NELL2: variants seen among roughly 807,000 people sequenced by gnomAD.
NELL2 encodes neural EGFL like 2, also known as protein kinase C-binding protein NELL2.
Under a neutral mutation model 109.6 loss-of-function variants are expected in NELL2, and 41 were observed. The observed-to-expected ratio is 0.37, with a 90% CI of 0.29 to 0.49. NELL2 has a LOEUF of 0.49. NELL2 is among the 20% of genes least tolerant of loss of function. The pLI is 0.98. For synonymous variants in NELL2, 355 were observed against 344.7 expected (o/e 1.03, Z -0.33); for missense variants, 900 against 1,008.3 (o/e 0.89, Z 1.45).
At chr12:44,677,996 T>G (rs1200664202) in intron 12 of NELL2, among the ~76,000 whole-genome samples, 3 of 152,040 alleles carry the variant, frequency 2.0e-5, no homozygotes, top group Admixed American at 1.3e-4. Flanking sequence ...GATCAAGATT[T>G]GAGAGTCATA....
chr12:44,656,796 A>G (rs943367949), intron 13 of NELL2, among the ~76,000 whole-genome samples: 1 of 152,146 alleles, frequency 6.6e-6, no homozygotes, highest in Non-Finnish European at 1.5e-5. Flanking sequence ...ACGATAAATT[A>G]TCTGTTTTGT....
At chr12:44,517,422 G>A (rs868052565) in intron 19 of NELL2, among the ~76,000 whole-genome samples, 26 of 71,184 alleles carry the variant, frequency 3.7e-4, no homozygotes, top group East Asian at 9.7e-4. Flanking sequence ...TCTCTCTCTC[G>A]TTCCCACTCT....
At chr12:44,828,974 A>T (rs1254360258) in intron 2 of NELL2, among the ~76,000 whole-genome samples, 1 of 152,122 alleles carries the variant, frequency 6.6e-6, no homozygotes, top group Non-Finnish European at 1.5e-5. Context: ...TTAAAATTAA[A>T]ATTGGCACTT....
intron 9 of NELL2, among the ~76,000 whole-genome samples, chr12:44,747,409 C>T (rs1195915136): frequency 1.3e-5 from 2 of 151,812 alleles, no homozygotes; most frequent in Non-Finnish European, 2.9e-5. Context: ...TGTAACAAAC[C>T]TGCACGTTGT....
chr12:44,821,967 T>C (rs1028293395), intron 2 of NELL2, among the ~76,000 whole-genome samples: 3 of 151,840 alleles, frequency 2.0e-5, no homozygotes, highest in Non-Finnish European at 1.5e-5. Context: ...GGTTTCACCA[T>C]GTTGGCCAGG....
intron 12 of NELL2, among the ~76,000 whole-genome samples, chr12:44,680,107 T>A (rs1948447623): frequency 6.6e-6 from 1 of 152,154 alleles, no homozygotes; most frequent in African/African-American, 2.4e-5. Flanking sequence ...AATATATATA[T>A]ATTTTGTCAG....
At chr12:44,889,324 G>A (rs944279670) in intron 1 of NELL2, among the ~76,000 whole-genome samples, 5 of 151,918 alleles carry the variant, frequency 3.3e-5, no homozygotes, top group African/African-American at 4.9e-5. Flanking sequence ...ACAGCATTCC[G>A]GGCACAGGAC....
intron 13 of NELL2, among the ~76,000 whole-genome samples, chr12:44,612,041 G>A (rs535590159): frequency 1.9e-4 from 29 of 151,938 alleles, no homozygotes; most frequent in Non-Finnish European, 2.5e-4. Context: ...TTAATTTCAC[G>A]TAATATAAAT....
chr12:44,673,700 T>C (rs1308084839), intron 12 of NELL2, among the ~76,000 whole-genome samples: 3 of 152,210 alleles, frequency 2.0e-5, no homozygotes, highest in African/African-American at 7.2e-5. Flanking sequence ...ATCCAGGAAA[T>C]GGATGATGAT....
At chr12:44,716,270 C>T (rs1054722765) in intron 9 of NELL2, among the ~76,000 whole-genome samples, 2 of 152,106 alleles carry the variant, frequency 1.3e-5, no homozygotes, top group East Asian at 3.8e-4. Flanking sequence ...TGTCATCCTC[C>T]AACTGATCTC....
At chr12:44,639,573 A>C (rs116509729) in intron 13 of NELL2, among the ~76,000 whole-genome samples, 2,161 of 152,126 alleles carry the variant, frequency 0.014, 60 homozygotes, top group African/African-American at 0.049. Context: ...GACTCACTTG[A>C]CTTTTCCTTT....
chr12:44,645,855 CAATG>C lies in NELL2; in HGVS notation c.1444+19625_1444+19628del, dbSNP rs1242538156. Reference sequence around the variant, plus strand: ...ACACTCCTTAATTCCTAACTCCAGCCAATGTTTATCCAGTATATTATAGTATATT... The same window carrying C: ...ACACTCCTTAATTCCTAACTCCAGCCTTTATCCAGTATATTATAGTATATT... On this transcript the variant is annotated intron_variant, in intron 13 of 19. Transcript: ENST00000429094. 3.3e-5 allele frequency among the ~76,000 whole-genome samples: 5 copies of C among 152,172 alleles called. No individual in the cohort carries two copies. The East Asian group carries it at 5.8e-4, about 18-fold the overall frequency.
intron 9 of NELL2, among the ~76,000 whole-genome samples, chr12:44,752,085 G>A (rs10880665): frequency 0.71 from 107,740 of 152,188 alleles, 38,367 homozygotes; most frequent in Non-Finnish European, 0.74. Context: ...AGCTTGAGCT[G>A]AGCCTTCAAT....
chr12:44,879,803 G>A (rs1430968106), upstream of NELL2, among the ~76,000 whole-genome samples: 1 of 151,934 alleles, frequency 6.6e-6, no homozygotes, highest in Non-Finnish European at 1.5e-5. Flanking sequence ...GTTGGCCGAA[G>A]CTTGCCAGCT....
intron 1 of NELL2, among the ~76,000 whole-genome samples, chr12:44,906,641 G>C (rs770802918): frequency 6.6e-6 from 1 of 151,970 alleles, no homozygotes; most frequent in Non-Finnish European, 1.5e-5. Flanking sequence ...GAACTCAAAG[G>C]TTTTTTACCT....
At position 44,665,549 on chromosome 12, in the gene NELL2, G is replaced by T. The variant is rs751729629; in HGVS notation, c.1379C>A (p.Thr460Asn). The T allele has an allele frequency of 5.6e-6, 9 of 1,613,536 alleles. No individual in the cohort carries two copies. Among genetic ancestry groups the T allele is most frequent in the Non-Finnish European group, 7.6e-6 (9 of 1,179,528 alleles). The change falls in exon 13 of 20, where the codon ACC (threonine) becomes AAC (asparagine). Residue 460 changes from threonine (T) to asparagine (N), a missense_variant. By Grantham distance (65) the Thr-to-Asn change is moderately conservative. Coordinates refer to ENST00000429094, the MANE Select transcript of NELL2 (RefSeq NM_001145108.2). ...YCRENTMCVNTPGSFMCICKT... is the reference protein window; with the variant it reads ...YCRENTMCVNNPGSFMCICKT... ...GCAGATGCACATAAAAGAACCCGGG[G>T]TGTTGACACACATTGTATTTTCACG...
At chr12:44,834,327 CTT>C (rs1337687652) in intron 2 of NELL2, among the ~76,000 whole-genome samples, 3 of 151,484 alleles carry the variant, frequency 2.0e-5, no homozygotes, top group South Asian at 2.1e-4. Flanking sequence ...ACTCTTTTCT[CTT>C]GTTTCATAAA....
chr12:44,792,881 G>C (rs115776756), intron 3 of NELL2, among the ~76,000 whole-genome samples: 1 of 152,112 alleles, frequency 6.6e-6, no homozygotes, highest in African/African-American at 2.4e-5. Context: ...CTAAAAATCT[G>C]TCCTACTCAA....
chr12:44,767,866 A>C (rs1941398169), intron 9 of NELL2, among the ~76,000 whole-genome samples: 1 of 152,196 alleles, frequency 6.6e-6, no homozygotes, highest in Non-Finnish European at 1.5e-5. Context: ...AGGAGAAAGA[A>C]TAGGGAGGTG....
Sources: allele counts gnomAD v4.1 joint callset (sites outside exome capture counted in the v4.1 genomes callset), GRCh38; gene constraint gnomAD v4.1.1; transcripts MANE v1.5; gene names NCBI Gene and HGNC (gene_info 2026-07-23, HGNC 2026-07-21).